The following TAFA1 variants were observed in gnomAD, a reference collection of about 807,000 sequenced individuals.
TAFA1 encodes the protein TAFA chemokine like family member 1.
A neutral mutation model predicts 18.5 loss-of-function variants in TAFA1; 4 were observed. The ratio of observed to expected loss-of-function variants is 0.22; its 90% confidence interval spans 0.11 to 0.49. The LOEUF is 0.49. TAFA1 is among the 20% of genes least tolerant of loss of function. The probability of loss-of-function intolerance (pLI) is 0.98; values close to 1 mark genes in which losing one functional copy is unlikely to be tolerated. For missense variants in TAFA1, 147 were observed against 169.0 expected, an observed-to-expected ratio of 0.87 and a Z score of 0.72; for synonymous variants, 56 against 55.2, an observed-to-expected ratio of 1.01 and a Z score of -0.06.
intron 2 of TAFA1, among the ~76,000 whole-genome samples, chr3:68,298,105 G>A (rs561569337): frequency 1.3e-5 from 2 of 152,156 alleles, no homozygotes; most frequent in African/African-American, 2.4e-5. Context: ...ATTAGGCAGA[G>A]GAAATGTCTG....
At chr3:68,516,469 T>A (rs2072922537) in intron 3 of TAFA1, among the ~76,000 whole-genome samples, 1 of 152,238 alleles carries the variant, frequency 6.6e-6, no homozygotes, top group African/African-American at 2.4e-5. Context: ...TTAGGCTACA[T>A]ATGTTGCAGT....
At chr3:68,188,397 G>GT (rs981710000) in intron 2 of TAFA1, among the ~76,000 whole-genome samples, 1 of 150,798 alleles carries the variant, frequency 6.6e-6, no homozygotes, top group African/African-American at 2.4e-5. Flanking sequence ...TGTCTTAAAG[G>GT]TTTTTTTCTA....
intron 2 of TAFA1, among the ~76,000 whole-genome samples, chr3:68,382,429 C>T (rs565504087): frequency 3.3e-5 from 5 of 152,172 alleles, no homozygotes; most frequent in African/African-American, 1.2e-4. Context: ...TATCAATCTT[C>T]TGCTTATGGT....
At chr3:68,006,592 A>G (rs1704362160) in intron 1 of TAFA1, 32 bp from the exon 2 acceptor site, 4 of 1,487,224 alleles carry the variant, frequency 2.7e-6, no homozygotes, top group Non-Finnish European at 3.8e-6. Flanking sequence ...TTGAAGCCGG[A>G]GGTAACCTTT....
Position 68,006,663 on chromosome 3 carries a change from T to C in TAFA1, c.37T>C (p.Leu13=). ...CTCTGCGATGTCCTGGGTCCTGTAT[T>C]TGTGGATAAGTGCTTGTGCAATGCT... ...MVSAMSWVLY[L]WISACAMLLC... Residue 13 remains leucine (L), a synonymous_variant, in exon 2 of 5, where the codon TTG becomes CTG. Coordinates refer to ENST00000478136, the MANE Select transcript of TAFA1 (RefSeq NM_213609.4). 1 of 1,613,958 alleles carries C rather than the reference T, an allele frequency of 6.2e-7. No individual in the cohort carries two copies. Among genetic ancestry groups the C allele is most frequent in the Non-Finnish European group, 8.5e-7 (1 of 1,179,850 alleles).
At chr3:68,094,782 G>A (rs1393449906) in intron 2 of TAFA1, among the ~76,000 whole-genome samples, 1 of 152,122 alleles carries the variant, frequency 6.6e-6, no homozygotes, top group East Asian at 1.9e-4. Context: ...AGTACTGAGT[G>A]GATGTTAGTG....
intron 2 of TAFA1, among the ~76,000 whole-genome samples, chr3:68,205,104 C>T (rs1472530312): frequency 1.3e-5 from 2 of 151,842 alleles, no homozygotes; most frequent in African/African-American, 4.8e-5. Context: ...TTTAATAGCA[C>T]TGCACCACAA....
At chr3:68,464,403 C>A (rs1218778319) in intron 3 of TAFA1, among the ~76,000 whole-genome samples, 2 of 152,148 alleles carry the variant, frequency 1.3e-5, no homozygotes, top group African/African-American at 4.8e-5. Flanking sequence ...CAGAGAAGGT[C>A]TCTCAGAGAA....
chr3:68,372,795 A>T (rs2069737062), intron 2 of TAFA1, among the ~76,000 whole-genome samples: 1 of 152,212 alleles, frequency 6.6e-6, no homozygotes, highest in Non-Finnish European at 1.5e-5. Context: ...CTAAGAAAAA[A>T]AATCAGCTAT....
chr3:68,494,537 C>T (rs1441491724), intron 3 of TAFA1, among the ~76,000 whole-genome samples: 4 of 152,158 alleles, frequency 2.6e-5, no homozygotes, highest in Non-Finnish European at 5.9e-5. Flanking sequence ...CTTAATAAGC[C>T]TCCCAGAGAA....
intron 3 of TAFA1, among the ~76,000 whole-genome samples, chr3:68,514,999 C>T (rs1029732186): frequency 9.2e-5 from 14 of 152,144 alleles, no homozygotes; most frequent in African/African-American, 3.4e-4. Flanking sequence ...TTTCAAACTA[C>T]TCATGGACAG....
chr3:68,387,770 T>C (rs541449472), intron 2 of TAFA1, among the ~76,000 whole-genome samples: 163 of 152,244 alleles, frequency 1.1e-3, no homozygotes, highest in Non-Finnish European at 2.0e-3. Flanking sequence ...CTAACAGGGA[T>C]ACAAAAAACT....
At chr3:68,285,967 C>T (rs2067994074) in intron 2 of TAFA1, among the ~76,000 whole-genome samples, 2 of 152,110 alleles carry the variant, frequency 1.3e-5, no homozygotes, top group South Asian at 4.1e-4. Flanking sequence ...AATCCCAGCA[C>T]TTTGGGAGGC....
chr3:68,532,001 A>G (rs2073194637), intron 3 of TAFA1, among the ~76,000 whole-genome samples: 1 of 152,158 alleles, frequency 6.6e-6, no homozygotes, highest in South Asian at 2.1e-4. Context: ...TTTAAGAATT[A>G]TTTATCTTTA....
chr3:68,178,848 G>C (rs554551641), intron 2 of TAFA1, among the ~76,000 whole-genome samples: 93 of 152,356 alleles, frequency 6.1e-4, no homozygotes, highest in African/African-American at 2.1e-3. Context: ...GAGGTACACT[G>C]TTTAAGGAGG....
chr3:68,380,159 A>G (rs139209587), intron 2 of TAFA1, among the ~76,000 whole-genome samples: 2,993 of 152,048 alleles, frequency 0.02, 103 homozygotes, highest in African/African-American at 0.068. Context: ...TCTTAATCCA[A>G]TCTATCATTG....
At chr3:68,480,714 A>T (rs779592542) in intron 3 of TAFA1, among the ~76,000 whole-genome samples, 1 of 152,202 alleles carries the variant, frequency 6.6e-6, no homozygotes, top group Non-Finnish European at 1.5e-5. Context: ...ACAGCAAATA[A>T]TGAAAGCGTA....
intron 2 of TAFA1, among the ~76,000 whole-genome samples, chr3:68,290,658 C>T (rs2068088669): frequency 6.6e-6 from 1 of 152,092 alleles, no homozygotes. Flanking sequence ...TAGTTAAAAA[C>T]ACTTTAATAC....
intron 2 of TAFA1, among the ~76,000 whole-genome samples, chr3:68,065,080 AT>A (rs899233125): frequency 6.6e-6 from 1 of 152,074 alleles, no homozygotes; most frequent in Admixed American, 6.6e-5. Flanking sequence ...TTGACTGTAT[AT>A]TCAGTTTGTG....
Sources: allele counts gnomAD v4.1 joint callset (sites outside exome capture counted in the v4.1 genomes callset), GRCh38; gene constraint gnomAD v4.1.1; transcripts MANE v1.5; gene names NCBI Gene and HGNC (gene_info 2026-07-23, HGNC 2026-07-21).